Variants in PLCXD3 observed in about 807,000 individuals in gnomAD.
PLCXD3 encodes phosphatidylinositol specific phospholipase C X domain containing 3, also known as PI-PLC X domain-containing protein 3.
A neutral mutation model predicts 25.5 loss-of-function variants in PLCXD3; 19 were observed. The ratio of observed to expected loss-of-function variants is 0.75; its 90% CI spans 0.52 to 1.09. PLCXD3 has a LOEUF of 1.09. PLCXD3 is among the 50% of genes least tolerant of loss of function. The pLI is 0.00. For synonymous variants in PLCXD3, 174 were observed against 137.6 expected (o/e 1.26, Z -1.85); for missense variants, 411 against 388.1 (o/e 1.06, Z -0.50).
chr5:41,385,997 T>G (rs1745622405), intron 1 of PLCXD3, among the ~76,000 whole-genome samples: 1 of 152,128 alleles, frequency 6.6e-6, no homozygotes, highest in Admixed American at 6.6e-5. Flanking sequence ...AGCTTCCTGA[T>G]TCATAGACGT....
At chr5:41,414,601 T>C (rs1746650672) in intron 1 of PLCXD3, among the ~76,000 whole-genome samples, 1 of 152,230 alleles carries the variant, frequency 6.6e-6, no homozygotes, top group South Asian at 2.1e-4. Context: ...AAGTAGCCTG[T>C]TACAAATACA....
intron 1 of PLCXD3, among the ~76,000 whole-genome samples, chr5:41,438,603 C>T (rs903271048): frequency 6.6e-6 from 1 of 152,144 alleles, no homozygotes; most frequent in African/African-American, 2.4e-5. Context: ...CTGAGAGTTC[C>T]TCTTTCCTTT....
intron 1 of PLCXD3, among the ~76,000 whole-genome samples, chr5:41,446,199 A>AAAAAAAAAAAAAAAAC (rs1747498115): frequency 2.1e-5 from 3 of 143,672 alleles, no homozygotes; most frequent in Non-Finnish European, 3.1e-5. Context: ...AAAAAAAAAA[A>AAAAAAAAAAAAAAAAC]AAGAACAACG....
intron 2 of PLCXD3, among the ~76,000 whole-genome samples, chr5:41,347,033 A>G (rs1468957487): frequency 6.6e-6 from 1 of 152,206 alleles, no homozygotes; most frequent in Non-Finnish European, 1.5e-5. Flanking sequence ...GGTTGCTATT[A>G]CTGGATCATA....
At chr5:41,429,211 T>TC (rs759271452) in intron 1 of PLCXD3, among the ~76,000 whole-genome samples, 57 of 151,488 alleles carry the variant, frequency 3.8e-4, no homozygotes, top group Non-Finnish European at 7.5e-4. Flanking sequence ...AGTCAATGGC[T>TC]CCATGATCAG....
intron 1 of PLCXD3, among the ~76,000 whole-genome samples, chr5:41,468,962 C>T (rs890723472): frequency 1.3e-5 from 2 of 152,086 alleles, no homozygotes; most frequent in African/African-American, 4.8e-5. Context: ...CTCTGATCTT[C>T]GAGGAAAAGC....
At chr5:41,459,141 T>G (rs868136739) in intron 1 of PLCXD3, among the ~76,000 whole-genome samples, 4 of 152,006 alleles carry the variant, frequency 2.6e-5, no homozygotes, top group South Asian at 4.2e-4. Flanking sequence ...AAGAATCCCT[T>G]CTCTTTCTGA....
At chr5:41,507,876 C>T (rs1749083328) in intron 1 of PLCXD3, among the ~76,000 whole-genome samples, 1 of 152,176 alleles carries the variant, frequency 6.6e-6, no homozygotes, top group Non-Finnish European at 1.5e-5. Flanking sequence ...GCAATTATTC[C>T]ATTAGTGTTT....
At chr5:41,329,908 T>C (rs936187957) in intron 2 of PLCXD3, among the ~76,000 whole-genome samples, 1 of 151,186 alleles carries the variant, frequency 6.6e-6, no homozygotes, top group Admixed American at 6.6e-5. Flanking sequence ...CAAATTCTTT[T>C]TTAAGTATAT....
At chr5:41,372,302 A>T (rs77664784) in intron 2 of PLCXD3, among the ~76,000 whole-genome samples, 8,336 of 101,102 alleles carry the variant, frequency 0.082, 228 homozygotes, top group African/African-American at 0.1. Context: ...TCTCTCTCAC[A>T]CACACACACA....
At chr5:41,409,305 C>G (rs1214968537) in intron 1 of PLCXD3, among the ~76,000 whole-genome samples, 1 of 152,106 alleles carries the variant, frequency 6.6e-6, no homozygotes, top group Non-Finnish European at 1.5e-5. Context: ...AAATGGATCA[C>G]TCTCCCTTTG....
chr5:41,368,948 G>A (rs1745015124), intron 2 of PLCXD3, among the ~76,000 whole-genome samples: 1 of 152,124 alleles, frequency 6.6e-6, no homozygotes, highest in South Asian at 2.1e-4. Context: ...GTTGCTCATG[G>A]TTTACGATAT....
chr5:41,332,011 A>G (rs1189385731), intron 2 of PLCXD3, among the ~76,000 whole-genome samples: 1 of 152,214 alleles, frequency 6.6e-6, no homozygotes, highest in Non-Finnish European at 1.5e-5. Flanking sequence ...CCTAGACATT[A>G]CCATTCAGGA....
chr5:41,320,087 A>T (rs1320277536), intron 2 of PLCXD3, among the ~76,000 whole-genome samples: 1 of 152,158 alleles, frequency 6.6e-6, no homozygotes, highest in Non-Finnish European at 1.5e-5. Context: ...CAGACCAATA[A>T]CAAGTAATGA....
intron 1 of PLCXD3, among the ~76,000 whole-genome samples, chr5:41,469,200 C>G (rs992400594): frequency 2.6e-5 from 4 of 152,042 alleles, no homozygotes; most frequent in Non-Finnish European, 4.4e-5. Context: ...ATATATTGAA[C>G]CATTTTTGCT....
chr5:41,489,106 A>G lies in PLCXD3; in HGVS notation c.103+21318T>C, dbSNP rs374043937. 8.5e-5 allele frequency among the ~76,000 whole-genome samples: 13 copies of G among 152,262 alleles called. No homozygotes were observed. The East Asian group carries it at 1.3e-3, about 16-fold the overall frequency. On this transcript the variant is annotated intron_variant, in intron 1 of 2. Transcript: ENST00000377801. The stretch of plus-strand genomic sequence containing the variant: ...TAACCCACCTTGAATTGATTTTTGT[A>G]TAAGGTGTAAGGAAGGGATCCAGTT...
intron 1 of PLCXD3, among the ~76,000 whole-genome samples, chr5:41,403,416 T>TTTTTTTTG (rs59150091): frequency 2.1e-5 from 1 of 47,540 alleles, no homozygotes; most frequent in Non-Finnish European, 4.8e-5. Context: ...TTTTTTTTTT[T>TTTTTTTTG]ATTATACTCT....
At chr5:41,469,298 TTG>T (rs1387082765) in intron 1 of PLCXD3, among the ~76,000 whole-genome samples, 1 of 152,182 alleles carries the variant, frequency 6.6e-6, no homozygotes. Flanking sequence ...TTGAGGATTT[TTG>T]TTTCTACATT....
chr5:41,355,540 T>A (rs1744594157), intron 2 of PLCXD3, among the ~76,000 whole-genome samples: 1 of 152,232 alleles, frequency 6.6e-6, no homozygotes, highest in Non-Finnish European at 1.5e-5. Flanking sequence ...TGTCCACTTA[T>A]GCTCCATCCA....
Sources: allele counts gnomAD v4.1 joint callset (sites outside exome capture counted in the v4.1 genomes callset), GRCh38; gene constraint gnomAD v4.1.1; transcripts MANE v1.5; gene names NCBI Gene and HGNC (gene_info 2026-07-23, HGNC 2026-07-21).